The following ERBB3 variants were observed in gnomAD, a reference collection of about 807,000 sequenced individuals.
The protein encoded by ERBB3 is receptor tyrosine-protein kinase erbB-3.
ERBB3 carries 96 observed loss-of-function variants against 156.7 expected under a neutral mutation model. The observed-to-expected ratio is 0.61, with a 90% CI of 0.52 to 0.73. The LOEUF (loss-of-function observed/expected upper bound fraction) is 0.73, where lower values mean the gene tolerates loss of function less well. Ranked by LOEUF, ERBB3 falls within the 30% of genes least tolerant of loss-of-function variation. ERBB3 has a pLI of 0.00. For synonymous variants in ERBB3, 567 were observed against 632.0 expected (o/e 0.90, Z 1.54); for missense variants, 1,406 against 1,709.4 (o/e 0.82, Z 3.13).
Position 56,101,724 on chromosome 12 carries a change from CCT to C in ERBB3, c.3703_3704del (p.Leu1235GlyfsTer23). Reference sequence around the variant, plus strand: ...ATGGATGTGGGGTCAGACCTCAGTGCCTCTCTGGGCAGCACACAGAGTTGCCC... The same window carrying C: ...ATGGATGTGGGGTCAGACCTCAGTGCCTCTGGGCAGCACACAGAGTTGCCC... On this transcript the variant is annotated frameshift_variant, in exon 28 of 28. Coordinates refer to ENST00000267101, the MANE Select transcript of ERBB3 (RefSeq NM_001982.4). LOFTEE classifies it high-confidence loss of function. 1 of 1,613,896 alleles carries C rather than the reference CCT, an allele frequency of 6.2e-7. No individual in the cohort carries two copies. Among genetic ancestry groups the C allele is most frequent in the Non-Finnish European group, 8.5e-7 (1 of 1,179,988 alleles).
In ERBB3 at chr12:56,080,252, G is replaced by A. The variant is rs1376734162; in HGVS notation, c.-49G>A. 3 of 1,473,268 alleles carry A rather than the reference G, an allele frequency of 2.0e-6. No individual in the cohort carries two copies. The highest frequency in any genetic ancestry group is 1.2e-5 in the South Asian group (1 of 82,578). The allele number at this position is 1,473,268 out of a possible 1,614,324, so 91.3% of individuals were successfully genotyped here. A position where few individuals can be genotyped will look rare whatever the true frequency, so the allele number is the denominator to read the frequency against. On this transcript the variant is annotated 5_prime_UTR_variant, in exon 1 of 28. Transcript: ENST00000267101. Reference sequence around the variant, plus strand: ...CTCTTGCCTCGATGTCCTAGCCTAGGGGCCCCCGGGCCGGACTTGGCTGGG... The same window carrying A: ...CTCTTGCCTCGATGTCCTAGCCTAGAGGCCCCCGGGCCGGACTTGGCTGGG...
At position 56,085,725 on chromosome 12, in the gene ERBB3, C is replaced by T. The variant is rs192934821; in HGVS notation, c.421+544C>T. The T allele has an allele frequency of 1.5e-3, 223 of 148,106 alleles. 4 individuals are homozygous for T. The highest frequency in any genetic ancestry group is 5.7e-3 in the African/African-American group (208 of 36,442). The allele number at this position is 148,106 out of a possible 1,614,324, so 9.2% of individuals were successfully genotyped here. On this transcript the variant is annotated intron_variant, in intron 3 of 27. Transcript: ENST00000267101. ...GTTGCAGTGAGCTGAGATTGCACCA[C>T]TGCACTCTAGCGTAAGTGACAGTGA...
chr12:56,085,385 AC>A, intron 3 of ERBB3: 3 of 1,445,008 alleles, frequency 2.1e-6, no homozygotes, highest in Non-Finnish European at 2.7e-6. Context: ...AGGGAAAGGA[AC>A]CCTGTGTCCT....
chr12:56,096,776 T>A lies in ERBB3; in HGVS notation c.2204T>A (p.Ile735Asn). Residue 735 changes from isoleucine (I) to asparagine (N), a missense_variant, in exon 19 of 28, where the codon ATC becomes AAC. Physicochemically the swap from Ile to Asn is moderately radical, Grantham distance 149. This residue lies in a region of ERBB3 where 979 missense variants were observed against 1,219.6 expected (regional missense o/e 0.80). Transcript: ENST00000267101. ...KGVWIPEGES[I>N]KIPVCIKVIE... is the part of the protein sequence containing the mutation. Reference sequence around the variant, plus strand: ...GTGTGGATCCCTGAGGGTGAATCAATCAAGATTCCAGTCTGCATTAAAGTC... The same window carrying A: ...GTGTGGATCCCTGAGGGTGAATCAAACAAGATTCCAGTCTGCATTAAAGTC... The A allele has an allele frequency of 6.2e-7, 1 of 1,613,864 alleles. No homozygotes were observed. The highest frequency in any genetic ancestry group is 8.5e-7 in the Non-Finnish European group (1 of 1,179,918).
intron 2 of ERBB3, among the ~76,000 whole-genome samples, 170 bp downstream of exon 2, chr12:56,084,072 A>G (rs1232758230): frequency 6.6e-6 from 1 of 152,108 alleles, no homozygotes; most frequent in Non-Finnish European, 1.5e-5. Context: ...TCTGGGACCT[A>G]TGGTCTCACT....
chr12:56,086,393 G>C (rs1206661193), intron 3 of ERBB3, 138 bp from the exon 4 acceptor site: 1 of 1,050,798 alleles, frequency 9.5e-7, no homozygotes, highest in Non-Finnish European at 1.5e-6. Context: ...CTTCTCTGCA[G>C]CTTAGATTTA....
chr12:56,086,752 C>T, intron 4 of ERBB3, 96 bp downstream of exon 4: 1 of 1,481,620 alleles, frequency 6.7e-7, no homozygotes, highest in South Asian at 1.1e-5. Flanking sequence ...GAACCCGCCT[C>T]CCCAGTGAAC....
Position 56,085,199 on chromosome 12 carries a change from C to T in ERBB3, c.421+18C>T, listed in dbSNP as rs1160858507. ...GCTCACCGGTCAGTTCCCGATGGTT[C>T]CTTCTGGCCTCACCCCTCAGCCAGC... On this transcript the variant is annotated intron_variant, in intron 3 of 27. Coordinates refer to ENST00000267101, the MANE Select transcript of ERBB3 (RefSeq NM_001982.4). 45 of 1,614,066 alleles carry T rather than the reference C, an allele frequency of 2.8e-5. 1 individual carries two copies. The highest frequency in any genetic ancestry group is 3.6e-5 in the Non-Finnish European group (42 of 1,180,026).
In ERBB3 at chr12:56,103,204, TG is replaced by T. The variant is rs1869184331; in HGVS notation, c.*1154del. ...GACATCTCATCTCAGGAAGTGGTGG[TG>T]GGGGTAGTCAGAAGGAAAAATAACT... On this transcript the variant is annotated 3_prime_UTR_variant, in exon 28 of 28. Coordinates refer to ENST00000267101, the MANE Select transcript of ERBB3 (RefSeq NM_001982.4). 3 of 230,052 alleles carry T rather than the reference TG, an allele frequency of 1.3e-5. No individual in the cohort carries two copies. The highest frequency in any genetic ancestry group is 2.6e-5 in the Non-Finnish European group (3 of 115,894). The allele number at this position is 230,052 out of a possible 1,614,324, so 14.3% of individuals were successfully genotyped here.
intron 17 of ERBB3, 62 bp from the exon 18 acceptor site, chr12:56,096,441 C>T (rs549520423): frequency 2.1e-5 from 33 of 1,606,894 alleles, no homozygotes; most frequent in East Asian, 1.8e-4. Flanking sequence ...CTATGAGGAG[C>T]GGGTTGGAGT....
intron 1 of ERBB3, 60 bp downstream of exon 1, chr12:56,080,442 A>C (rs1020057934): frequency 2.1e-5 from 29 of 1,367,976 alleles, no homozygotes; most frequent in Non-Finnish European, 3.0e-5. Flanking sequence ...CAGTGCGCGC[A>C]GCCTCGGAGG....
intron 20 of ERBB3, 91 bp from the exon 21 acceptor site, chr12:56,097,694 C>A: frequency 2.2e-6 from 3 of 1,379,102 alleles, no homozygotes; most frequent in South Asian, 1.2e-5. Context: ...GGGACCACTG[C>A]TGAGAGGTAC....
intron 9 of ERBB3, among the ~76,000 whole-genome samples, chr12:56,090,686 C>T (rs1868651719): frequency 6.6e-6 from 1 of 151,218 alleles, no homozygotes; most frequent in Non-Finnish European, 1.5e-5. Context: ...TTCTCTCTCT[C>T]TCTGTCTCTC....
At position 56,096,781 on chromosome 12, in the gene ERBB3, A is replaced by G. The variant is rs1333701816; in HGVS notation, c.2209A>G (p.Ile737Val). Residue 737 changes from isoleucine (I) to valine (V), a missense_variant, in exon 19 of 28, where the codon ATT becomes GTT. Physicochemically the swap from Ile to Val is conservative, Grantham distance 29 (BLOSUM62 3). Coordinates refer to ENST00000267101, the MANE Select transcript of ERBB3 (RefSeq NM_001982.4). ...VWIPEGESIK[I>V]PVCIKVIEDK... is the part of the protein sequence containing the mutation. ...GATCCCTGAGGGTGAATCAATCAAG[A>G]TTCCAGTCTGCATTAAAGTCATTGA... is the stretch of plus-strand genomic sequence containing the variant. 1 of 1,614,106 alleles carries G rather than the reference A, an allele frequency of 6.2e-7. No homozygotes were observed.
rs1253762593 is a variant in ERBB3, at chr12:56,087,582, C to A, written c.553C>A (p.Pro185Thr). 6.2e-7 allele frequency: 1 copy of A among 1,614,122 alleles called. No homozygotes were observed. Residue 185 changes from proline to threonine, a missense_variant, in exon 5 of 28, where the codon CCC (proline) becomes ACC (threonine). Physicochemically the swap from Pro to Thr is conservative, Grantham distance 38. Transcript: ENST00000267101. ...VVKDNGRSCP[P>T]CHEVCKGRCW... ...TTGCCTTCCTTCCCAACCAGGTCCCCCCTGTCATGAGGTTTGCAAGGGGCG... is the reference window on the plus strand; with the variant it reads ...TTGCCTTCCTTCCCAACCAGGTCCCACCTGTCATGAGGTTTGCAAGGGGCG...
In ERBB3 at chr12:56,090,224, T is replaced by C. The variant is rs187482632; in HGVS notation, c.1109+1356T>C. Among the ~76,000 whole-genome samples the C allele has an allele frequency of 7.9e-5, 12 of 151,764 alleles. No homozygotes were observed. In the East Asian group the frequency reaches 2.4e-3, roughly 30 times the overall value. On this transcript the variant is annotated intron_variant, in intron 9 of 27. Coordinates refer to ENST00000267101, the MANE Select transcript of ERBB3 (RefSeq NM_001982.4). ...CATGTAGGCCAGGCTGGTCTCGAAC[T>C]CCTGACCTCAAGTGATCCACCCGCC...
At chr12:56,094,073 C>T (rs2136811902) in intron 13 of ERBB3, 26 bp from the exon 14 acceptor site, 2 of 1,594,600 alleles carry the variant, frequency 1.3e-6, no homozygotes, top group Middle Eastern at 1.7e-4. Flanking sequence ...GAAGTGACCC[C>T]CCCCTCCCTT....
intron 9 of ERBB3, among the ~76,000 whole-genome samples, chr12:56,091,330 A>AAC (rs1565858606): frequency 0.2 from 768 of 3,888 alleles, 128 homozygotes; most frequent in East Asian, 0.36. Context: ...TATATATATA[A>AAC]ATAATATATA....
chr12:56,100,670 G>C (rs1370369299), intron 26 of ERBB3, among the ~76,000 whole-genome samples: 1 of 148,850 alleles, frequency 6.7e-6, no homozygotes, highest in African/African-American at 2.5e-5. Context: ...GGCCAGGTGC[G>C]GTGGCTCACG....
Sources: gnomAD v4.1 joint callset for allele counts (sites outside exome capture counted in the v4.1 genomes callset) on GRCh38, gnomAD v4.1.1 for gene constraint, gnomAD v4.1.1 regional missense constraint, MANE v1.5 for transcripts, NCBI Gene and HGNC (gene_info 2026-07-23, HGNC 2026-07-21) for gene names.